The following CMTR1 variants were observed in gnomAD, a reference collection of about 807,000 sequenced individuals.
CMTR1 encodes cap methyltransferase 1.
CMTR1 carries 39 observed loss-of-function variants against 107.0 expected under a neutral mutation model. That is an observed-to-expected ratio of 0.36 (90% confidence interval 0.28 to 0.48). The LOEUF is 0.48. CMTR1 is among the 20% of genes least tolerant of loss of function. The pLI, the probability that CMTR1 is intolerant of heterozygous loss-of-function variation, is 0.99. For missense variants in CMTR1, 672 were observed against 1,064.9 expected, an observed-to-expected ratio of 0.63 and a Z score of 5.14; for synonymous variants, 366 against 379.5, an observed-to-expected ratio of 0.96 and a Z score of 0.41.
chr6:37,478,433 C>T lies in CMTR1; in HGVS notation c.2178C>T (p.Gly726=), dbSNP rs1761785034. 3.1e-6 allele frequency: 5 copies of T among 1,614,048 alleles called. No homozygotes were observed. In the East Asian group the frequency reaches 1.1e-4, roughly 36 times the overall value. ...FVRLEMKIIK[G]SSGTPKLSYT... ...GGTTGGAGATGAAGATCATCAAGGG[C>T]TCCAGTGGCACCCCAAAGCTCAGCT... Residue 726 remains glycine, a synonymous_variant, in exon 22 of 24, where the codon GGC becomes GGT. Transcript: ENST00000373451.
chr6:37,478,086 TAC>T (rs1761775101), intron 21 of CMTR1, among the ~76,000 whole-genome samples: 1 of 152,194 alleles, frequency 6.6e-6, no homozygotes, highest in Admixed American at 6.5e-5. Context: ...ATGTAGAGGT[TAC>T]ATTAACTCTT....
chr6:37,425,196 C>T, the CMTR1 span, among the ~76,000 whole-genome samples: 5 of 149,936 alleles, frequency 3.3e-5, no homozygotes, highest in East Asian at 5.8e-4. Flanking sequence ...CCCGCCTTGG[C>T]CTCCCAAAGT....
chr6:37,433,336 AC>A lies in CMTR1; in HGVS notation c.-41del, dbSNP rs758203685. 4 of 151,876 alleles carry A rather than the reference AC, an allele frequency of 2.6e-5. No individual in the cohort carries two copies. Among genetic ancestry groups the A allele is most frequent in the South Asian group, 2.1e-4 (1 of 4,794 alleles). 9.4% of individuals were successfully genotyped at this position (151,876 alleles called of 1,614,324 possible). Reference sequence around the variant, plus strand: ...CAGCGGCGGCGACAGTGTCGGCCTGACCCCCCCTCCGCTCCCCGGCAGCTCG... The same window carrying A: ...CAGCGGCGGCGACAGTGTCGGCCTGACCCCCCTCCGCTCCCCGGCAGCTCG... On this transcript the variant is annotated 5_prime_UTR_variant, in exon 1 of 24. Transcript: ENST00000373451.
chr6:37,452,942 C>A, intron 6 of CMTR1, 105 bp from the exon 7 acceptor site: 1 of 945,192 alleles, frequency 1.1e-6, no homozygotes, highest in Non-Finnish European at 1.7e-6. Context: ...AGCTGAGATG[C>A]CACAGGAATC....
rs747601212 is a variant in CMTR1 at position 37,444,065 on chromosome 6, T to C, written c.200T>C (p.Phe67Ser). 1.9e-6 allele frequency: 3 copies of C among 1,614,220 alleles called. No individual in the cohort carries two copies. The highest frequency in any genetic ancestry group is 1.6e-4 in the Middle Eastern group (1 of 6,062). ...GGGAAACAACACAGCTCTGACTCTT[T>C]TGACGATGCATTCAAAGCAGACTCT... ...TEGKQHSSDS[F>S]DDAFKADSLV... Residue 67 changes from phenylalanine to serine, a missense_variant, in exon 3 of 24, where the codon TTT becomes TCT. By Grantham distance (155) the Phe-to-Ser change is radical (BLOSUM62 -2). Around this residue, in one of 2 missense-constraint regions of CMTR1, gnomAD observed 89 missense variants for 96.6 expected, o/e 0.92. Transcript: ENST00000373451.
At chr6:37,430,576 G>C (rs1771348696), upstream of CMTR1, among the ~76,000 whole-genome samples, 2 of 151,748 alleles carry the variant, frequency 1.3e-5, no homozygotes. Context: ...TTCGATTAAT[G>C]CTCCCTGGGT....
At chr6:37,427,364 T>G in the CMTR1 span, among the ~76,000 whole-genome samples, 1 of 152,226 alleles carries the variant, frequency 6.6e-6, no homozygotes, top group African/African-American at 2.4e-5. This position sits in a 1 kb window ranked among gnomAD's most constrained non-coding sequence, Gnocchi z 4.4. Flanking sequence ...ATTATTTTTA[T>G]GGAAGATTAT....
intron 2 of CMTR1, among the ~76,000 whole-genome samples, chr6:37,438,474 A>C (rs570275778): frequency 1.3e-5 from 2 of 152,196 alleles, no homozygotes; most frequent in Non-Finnish European, 2.9e-5. Flanking sequence ...GCAGAAAATG[A>C]GATGGGAGGC....
At chr6:37,445,097 G>C (rs1337218470) in intron 3 of CMTR1, among the ~76,000 whole-genome samples, 1 of 152,212 alleles carries the variant, frequency 6.6e-6, no homozygotes, top group Non-Finnish European at 1.5e-5. Context: ...TTAAGAATGA[G>C]AATTGTCACT....
At chr6:37,430,110 C>T (rs186474839), upstream of CMTR1, among the ~76,000 whole-genome samples, 425 of 152,232 alleles carry the variant, frequency 2.8e-3, no homozygotes, top group Admixed American at 6.5e-3. Flanking sequence ...TGTGCATTTT[C>T]GGTTGCCTTT....
intron 18 of CMTR1, among the ~76,000 whole-genome samples, chr6:37,475,079 C>T (rs1210250645): frequency 6.6e-6 from 1 of 152,306 alleles, no homozygotes; most frequent in East Asian, 1.9e-4. Flanking sequence ...TGGCAGCAGC[C>T]TCACTGGGTT....
upstream of CMTR1, among the ~76,000 whole-genome samples, chr6:37,432,954 G>A (rs567363026): frequency 6.6e-6 from 1 of 152,370 alleles, no homozygotes; most frequent in Admixed American, 6.5e-5. Flanking sequence ...TGAAGATAAT[G>A]ATAAGATTAA....
rs898453730 is a variant in CMTR1, at chr6:37,479,368, G to C, written c.2375+113G>C. 6.4e-6 allele frequency: 5 copies of C among 781,116 alleles called. No homozygotes were observed. The African/African-American group carries it at 6.8e-5, about 11-fold the overall frequency. The allele number at this position is 781,116 out of a possible 1,614,324, so 48.4% of individuals were successfully genotyped here. On this transcript the variant is annotated intron_variant, in intron 23 of 23. Coordinates refer to ENST00000373451, the MANE Select transcript of CMTR1 (RefSeq NM_015050.3). ...GGGTCCTGAGACTGTTGCCCATGCA[G>C]GGGTTCCCCTGAGCACAGGCCTGAG...
At chr6:37,461,017 A>G (rs953879262) in intron 10 of CMTR1, among the ~76,000 whole-genome samples, 1 of 152,224 alleles carries the variant, frequency 6.6e-6, no homozygotes, top group African/African-American at 2.4e-5. Context: ...CCGTGGTCTT[A>G]GGACAGGAAA....
rs974117137 is a variant in CMTR1 at position 37,480,172 on chromosome 6, G to C, written c.*27G>C. 14 of 1,595,176 alleles carry C rather than the reference G, an allele frequency of 8.8e-6. No homozygotes were observed. Among genetic ancestry groups the C allele is most frequent in the Non-Finnish European group, 1.2e-5 (14 of 1,172,016 alleles). ...AGCCTCAGAATGTGCCACCCCTGCA[G>C]AATGCCCTGTCATTCCTGAGATGGG... On this transcript the variant is annotated 3_prime_UTR_variant, in exon 24 of 24. Coordinates refer to ENST00000373451, the MANE Select transcript of CMTR1 (RefSeq NM_015050.3).
At position 37,451,882 on chromosome 6, in the gene CMTR1, G is replaced by C. The variant is rs1761178554; in HGVS notation, c.609+5G>C. On this transcript the variant is annotated splice_donor_5th_base_variant and intron_variant, in intron 6 of 23. Transcript: ENST00000373451. ...CACAGTGTGTTGCAGTGTAAGGTAA[G>C]GTCTTGTGGCTAGAACCAGATAATG... The C allele has an allele frequency of 1.2e-6, 2 of 1,611,156 alleles. No homozygotes were observed. The highest frequency in any genetic ancestry group is 1.7e-6 in the Non-Finnish European group (2 of 1,178,430).
chr6:37,458,921 T>A lies in CMTR1; in HGVS notation c.976+111T>A. The A allele has an allele frequency of 2.1e-6, 2 of 955,418 alleles. No homozygotes were observed. The highest frequency in any genetic ancestry group is 3.1e-6 in the Non-Finnish European group (2 of 639,834). 59.2% of individuals were successfully genotyped at this position (955,418 alleles called of 1,614,324 possible). A position where few individuals can be genotyped will look rare whatever the true frequency, so the allele number is the denominator to read the frequency against. Reference sequence around the variant, plus strand: ...GCCATATTTTCTTTCCTAGGTCTCTTACCCTGGGCTTCACAGTTCATGTCA... The same window carrying A: ...GCCATATTTTCTTTCCTAGGTCTCTAACCCTGGGCTTCACAGTTCATGTCA... On this transcript the variant is annotated intron_variant, in intron 9 of 23. Transcript: ENST00000373451. The surrounding 1 kb of genome is among the most constrained non-coding windows in gnomAD (Gnocchi z 4.7).
intron 8 of CMTR1, among the ~76,000 whole-genome samples, chr6:37,455,125 C>T (rs1423145937): frequency 2.7e-5 from 4 of 150,028 alleles, no homozygotes; most frequent in African/African-American, 9.9e-5. Context: ...GCTGTTGTTG[C>T]CCAGGCTGGA....
chr6:37,466,520 G>A (rs1384505814), intron 13 of CMTR1, among the ~76,000 whole-genome samples: 2 of 152,076 alleles, frequency 1.3e-5, no homozygotes, highest in African/African-American at 4.8e-5. Flanking sequence ...GGGTCCTTCT[G>A]CATGTGAATA....
Sources: gnomAD v4.1 joint callset for allele counts (sites outside exome capture counted in the v4.1 genomes callset) on GRCh38, gnomAD v4.1.1 for gene constraint, gnomAD v4.1.1 regional missense constraint, Gnocchi (gnomAD v3.1) non-coding constraint, MANE v1.5 for transcripts, NCBI Gene and HGNC (gene_info 2026-07-23, HGNC 2026-07-21) for gene names.